The following AKAP6 variants were observed in gnomAD, a reference collection of about 807,000 sequenced individuals.
AKAP6 encodes the protein A-kinase anchoring protein 6, also known as A-kinase anchor protein 6.
In AKAP6, 58 loss-of-function variants were observed where a neutral mutation model predicts 188.5. The observed-to-expected ratio is 0.31, with a 90% CI of 0.25 to 0.38. The LOEUF (loss-of-function observed/expected upper bound fraction) is 0.38. Among genes scored for constraint, AKAP6 ranks in the 10% least tolerant of loss-of-function variants. The pLI, the probability that AKAP6 is intolerant of heterozygous loss-of-function variation, is 1.00. For synonymous variants in AKAP6, 989 were observed against 998.6 expected (o/e 0.99, Z 0.18); for missense variants, 2,710 against 2,740.0 (o/e 0.99, Z 0.24).
intron 1 of AKAP6, among the ~76,000 whole-genome samples, chr14:32,407,535 T>A (rs117413586): frequency 0.014 from 2,172 of 152,306 alleles, 28 homozygotes; most frequent in Middle Eastern, 0.021. Flanking sequence ...TGAACAGATG[T>A]GCAGGCATGT....
At chr14:32,552,766 G>A (rs1411443415) in intron 4 of AKAP6, among the ~76,000 whole-genome samples, 1 of 152,172 alleles carries the variant, frequency 6.6e-6, no homozygotes, top group Non-Finnish European at 1.5e-5. Context: ...GAAGGCAGAA[G>A]TGGCAAGAGA....
chr14:32,531,695 A>C (rs529586841), intron 2 of AKAP6, among the ~76,000 whole-genome samples: 3 of 152,174 alleles, frequency 2.0e-5, no homozygotes, highest in African/African-American at 7.2e-5. Context: ...CTATCATTAT[A>C]GTTTTGTCTT....
chr14:32,510,414 GTA>G (rs10557960), intron 2 of AKAP6, among the ~76,000 whole-genome samples: 36,181 of 112,402 alleles, frequency 0.32, 6,126 homozygotes, highest in East Asian at 0.4. Flanking sequence ...GTATATATAT[GTA>G]TATATATACA....
intron 1 of AKAP6, chr14:32,373,327 G>C (rs1489214280): frequency 1.3e-5 from 2 of 152,164 alleles, no homozygotes; most frequent in Non-Finnish European, 2.9e-5. Context: ...TGTTCCAGGA[G>C]AGCCGATTGG....
chr14:32,445,801 A>G (rs563635353), intron 2 of AKAP6, among the ~76,000 whole-genome samples: 2 of 152,166 alleles, frequency 1.3e-5, no homozygotes, highest in African/African-American at 4.8e-5. Flanking sequence ...TTGTTGATAC[A>G]TTTGTATGAC....
intron 5 of AKAP6, among the ~76,000 whole-genome samples, chr14:32,596,724 A>G (rs1885719161): frequency 1.3e-5 from 2 of 152,178 alleles, no homozygotes. Context: ...GGGACTGTAC[A>G]CCATAGGGCA....
chr14:32,338,178 TA>T (rs929792523), intron 1 of AKAP6, among the ~76,000 whole-genome samples: 70 of 152,198 alleles, frequency 4.6e-4, no homozygotes, highest in African/African-American at 1.6e-3. Flanking sequence ...TGTTTTTCTT[TA>T]AAAAAAATTC....
chr14:32,670,906 T>C (rs1417076648), intron 7 of AKAP6, among the ~76,000 whole-genome samples: 1 of 152,188 alleles, frequency 6.6e-6, no homozygotes, highest in African/African-American at 2.4e-5. Flanking sequence ...GAAATCATTT[T>C]AGATGTTCAA....
At chr14:32,495,737 T>C (rs992865276) in intron 2 of AKAP6, among the ~76,000 whole-genome samples, 2 of 152,202 alleles carry the variant, frequency 1.3e-5, no homozygotes, top group African/African-American at 4.8e-5. Context: ...AGGCAGGCTT[T>C]TGTGTTTGTG....
At chr14:32,704,924 T>C (rs1890750833) in intron 9 of AKAP6, among the ~76,000 whole-genome samples, 1 of 152,182 alleles carries the variant, frequency 6.6e-6, no homozygotes, top group Non-Finnish European at 1.5e-5. Context: ...CTTGAATGTA[T>C]TCCTAAAGCA....
At position 32,492,355 on chromosome 14, in the gene AKAP6, T is replaced by TATATATATATATATAG; in HGVS notation, c.325-43198_325-43197insTATATATATATATAGA. 3.6e-3 allele frequency among the ~76,000 whole-genome samples: 298 copies of TATATATATATATATAG among 82,574 alleles called. 5 individuals carry two copies. The highest frequency in any genetic ancestry group is 0.015 in the Middle Eastern group (2 of 130). 54.2% of individuals were successfully genotyped at this position (82,574 alleles called of 152,430 possible). A position where few individuals can be genotyped will look rare whatever the true frequency, so the allele number is the denominator to read the frequency against. On this transcript the variant is annotated intron_variant, in intron 2 of 13. Coordinates refer to ENST00000280979, the MANE Select transcript of AKAP6 (RefSeq NM_004274.5). Reference sequence around the variant, plus strand: ...ACATTGTAATATATATATATATATATAGAGAGAGAGAGAGAGAGAGAGAGA... The same window carrying TATATATATATATATAG: ...ACATTGTAATATATATATATATATATATATATATATATATAGAGAGAGAGAGAGAGAGAGAGAGAGA...
intron 7 of AKAP6, among the ~76,000 whole-genome samples, chr14:32,666,621 T>C (rs1001812788): frequency 9.2e-5 from 14 of 152,228 alleles, no homozygotes; most frequent in Admixed American, 7.9e-4. Context: ...ATATCATTCT[T>C]GAGAAAGGCA....
At chr14:32,532,741 C>T (rs1018073614) in intron 2 of AKAP6, among the ~76,000 whole-genome samples, 2 of 152,098 alleles carry the variant, frequency 1.3e-5, no homozygotes, top group East Asian at 3.9e-4. Context: ...AAGTGAGATG[C>T]CAGAGACAGA....
intron 7 of AKAP6, among the ~76,000 whole-genome samples, chr14:32,657,895 A>G (rs964314478): frequency 6.6e-6 from 1 of 152,150 alleles, no homozygotes; most frequent in African/African-American, 2.4e-5. Flanking sequence ...TCTAATTATC[A>G]TAGTAAGGAA....
chr14:32,433,545 C>T lies in AKAP6; in HGVS notation c.52C>T (p.Pro18Ser). 6.2e-7 allele frequency: 1 copy of T among 1,614,134 alleles called. No homozygotes were observed. The highest frequency in any genetic ancestry group is 8.5e-7 in the Non-Finnish European group (1 of 1,180,020). The change falls in exon 2 of 14, where the codon CCC becomes TCC. Residue 18 changes from proline (P) to serine (S), a missense_variant. Pro to Ser is a moderately conservative substitution (Grantham distance 74, BLOSUM62 -1). Coordinates refer to ENST00000280979, the MANE Select transcript of AKAP6 (RefSeq NM_004274.5). ...CCCCCTGAGGTCACAGGACCTGGAT[C>T]CCATGGCTACTGATGCTTCACCCAT... is the stretch of plus-strand genomic sequence containing the variant. ...LSPLRSQDLD[P>S]MATDASPMAI...
chr14:32,381,718 C>T (rs1951682), intron 1 of AKAP6, among the ~76,000 whole-genome samples: 3 of 151,976 alleles, frequency 2.0e-5, no homozygotes, highest in African/African-American at 7.3e-5. Flanking sequence ...CTTTAGTTAC[C>T]CCTATTCCTC....
At chr14:32,607,646 GCTAT>G (rs1248391395) in intron 7 of AKAP6, among the ~76,000 whole-genome samples, 1 of 152,062 alleles carries the variant, frequency 6.6e-6, no homozygotes, top group Non-Finnish European at 1.5e-5. Context: ...TGTATTTTGG[GCTAT>G]CTGAGATCTA....
intron 1 of AKAP6, among the ~76,000 whole-genome samples, chr14:32,427,126 A>G (rs890877635): frequency 1.3e-5 from 2 of 152,172 alleles, no homozygotes; most frequent in African/African-American, 4.8e-5. Flanking sequence ...GGGCTCCCCT[A>G]TTGACGTGCT....
intron 1 of AKAP6, among the ~76,000 whole-genome samples, chr14:32,430,787 G>A (rs1356996776): frequency 3.3e-5 from 5 of 152,108 alleles, no homozygotes; most frequent in Non-Finnish European, 5.9e-5. Flanking sequence ...GAGGGCAGTG[G>A]GTCGATTAAT....
Sources: gnomAD v4.1 joint callset for allele counts (sites outside exome capture counted in the v4.1 genomes callset) on GRCh38, gnomAD v4.1.1 for gene constraint, MANE v1.5 for transcripts, NCBI Gene and HGNC (gene_info 2026-07-23, HGNC 2026-07-21) for gene names.